HHAT: variants seen among roughly 807,000 people sequenced by gnomAD.
HHAT encodes the protein hedgehog acyltransferase.
HHAT carries 47 observed loss-of-function variants against 70.8 expected under a neutral mutation model. The ratio of observed to expected loss-of-function variants is 0.66; its 90% CI spans 0.53 to 0.85. The LOEUF (loss-of-function observed/expected upper bound fraction) is 0.85, where lower values mean the gene tolerates loss of function less well. Ranked by LOEUF, HHAT falls within the 40% of genes least tolerant of loss-of-function variation. The pLI, the probability that HHAT is intolerant of heterozygous loss-of-function variation, is 0.00. For synonymous variants in HHAT, 228 were observed against 247.6 expected (o/e 0.92, Z 0.74); for missense variants, 609 against 604.8 (o/e 1.01, Z -0.07).
intron 8 of HHAT, among the ~76,000 whole-genome samples, chr1:210,473,849 G>T (rs551362435): frequency 6.6e-6 from 1 of 152,160 alleles, no homozygotes; most frequent in Non-Finnish European, 1.5e-5. Context: ...TTCTGGGTCT[G>T]CTAGCTCTAC....
At chr1:210,622,634 G>A (rs974795193) in intron 10 of HHAT, among the ~76,000 whole-genome samples, 2 of 152,180 alleles carry the variant, frequency 1.3e-5, no homozygotes, top group African/African-American at 2.4e-5. Context: ...CAGGCACGCC[G>A]ATACACTTCA....
At chr1:210,466,381 A>G (rs1231720344) in intron 8 of HHAT, among the ~76,000 whole-genome samples, 1 of 152,238 alleles carries the variant, frequency 6.6e-6, no homozygotes, top group Admixed American at 6.5e-5. Context: ...CTCTCTAACT[A>G]GAAGGCCAGG....
At chr1:210,650,977 A>T (rs1236312840) in intron 11 of HHAT, among the ~76,000 whole-genome samples, 1 of 152,172 alleles carries the variant, frequency 6.6e-6, no homozygotes, top group African/African-American at 2.4e-5. Context: ...CACTTTTTAA[A>T]TATATTGGAA....
At chr1:210,645,422 C>T (rs112586437) in intron 11 of HHAT, among the ~76,000 whole-genome samples, 36,621 of 152,070 alleles carry the variant, frequency 0.24, 5,131 homozygotes, top group South Asian at 0.36. Context: ...GGACTACAGG[C>T]GCCTACCACC....
intron 5 of HHAT, among the ~76,000 whole-genome samples, chr1:210,401,087 TTTC>T (rs2092047674): frequency 6.6e-6 from 1 of 152,334 alleles, no homozygotes; most frequent in African/African-American, 2.4e-5. Context: ...GTCAGGTCTT[TTTC>T]TTCTTCCTAG....
At chr1:210,432,020 A>G (rs1434576075) in intron 7 of HHAT, among the ~76,000 whole-genome samples, 4 of 151,868 alleles carry the variant, frequency 2.6e-5, no homozygotes, top group Non-Finnish European at 5.9e-5. Flanking sequence ...CCTATTCTAT[A>G]TCTGTTTTCC....
At chr1:210,440,429 C>A (rs1338175840) in intron 7 of HHAT, among the ~76,000 whole-genome samples, 2 of 151,614 alleles carry the variant, frequency 1.3e-5, no homozygotes, top group Admixed American at 1.3e-4. Context: ...TTTCTACCCC[C>A]ATGGCAATCA....
rs1574169332 is a variant in HHAT at position 210,676,147 on chromosome 1, A to G, written c.*1768A>G. ...GAGCTCTTCCAAGTATACCATTTAT[A>G]TACAAACAAATAGGTTTATTCATTC... On this transcript the variant is annotated 3_prime_UTR_variant, in exon 12 of 12. Transcript: ENST00000261458. The G allele has an allele frequency of 6.6e-6, 1 of 152,244 alleles. No homozygotes were observed. Among genetic ancestry groups the G allele is most frequent in the African/African-American group, 2.4e-5 (1 of 41,460 alleles). 9.4% of individuals were successfully genotyped at this position (152,244 alleles called of 1,614,324 possible). A position where few individuals can be genotyped will look rare whatever the true frequency, so the allele number is the denominator to read the frequency against.
intron 9 of HHAT, among the ~76,000 whole-genome samples, chr1:210,555,507 A>G (rs1457885189): frequency 1.3e-5 from 2 of 152,188 alleles, no homozygotes; most frequent in African/African-American, 2.4e-5. Context: ...CATCAGTGGG[A>G]GTCTGTGGAG....
intron 7 of HHAT, among the ~76,000 whole-genome samples, chr1:210,461,224 C>T (rs1010806601): frequency 3.3e-5 from 5 of 152,192 alleles, no homozygotes; most frequent in African/African-American, 1.2e-4. Context: ...AGGGTCAACC[C>T]TGAAACTTAG....
chr1:210,649,893 G>C (rs1206036626), intron 11 of HHAT, among the ~76,000 whole-genome samples: 3 of 152,222 alleles, frequency 2.0e-5, no homozygotes, highest in African/African-American at 4.8e-5. Context: ...CAGGGTTTGT[G>C]TCTCCATACC....
intron 7 of HHAT, among the ~76,000 whole-genome samples, chr1:210,437,581 C>T (rs967064354): frequency 6.6e-6 from 1 of 151,838 alleles, no homozygotes; most frequent in Non-Finnish European, 1.5e-5. Flanking sequence ...GCAAAGCTTT[C>T]ATTGCTGCCA....
chr1:210,618,461 C>T (rs1668191609), intron 10 of HHAT, among the ~76,000 whole-genome samples: 1 of 152,194 alleles, frequency 6.6e-6, no homozygotes. Flanking sequence ...CTGTGTCCAG[C>T]TGCTCAAACC....
At chr1:210,638,290 A>G (rs891528704) in intron 11 of HHAT, among the ~76,000 whole-genome samples, 10 of 152,242 alleles carry the variant, frequency 6.6e-5, no homozygotes, top group African/African-American at 2.4e-4. Flanking sequence ...GAAACAATCC[A>G]AACATCTGTC....
intron 8 of HHAT, among the ~76,000 whole-genome samples, chr1:210,501,656 T>C (rs2094756734): frequency 6.7e-6 from 1 of 148,984 alleles, no homozygotes; most frequent in South Asian, 2.3e-4. Context: ...TGGGGAAAAA[T>C]GGCTTTTCTT....
chr1:210,503,411 A>C (rs1018075496), intron 8 of HHAT, among the ~76,000 whole-genome samples: 1 of 152,324 alleles, frequency 6.6e-6, no homozygotes. Context: ...GCAAACAAGC[A>C]AAACCAACAA....
chr1:210,632,484 G>A (rs1163214035), intron 11 of HHAT, among the ~76,000 whole-genome samples: 1 of 152,202 alleles, frequency 6.6e-6, no homozygotes, highest in Non-Finnish European at 1.5e-5. Context: ...AGCTAGCCTG[G>A]CTGGTGCCAT....
chr1:210,386,498 A>G (rs902815751), intron 3 of HHAT, among the ~76,000 whole-genome samples: 1 of 151,732 alleles, frequency 6.6e-6, no homozygotes, highest in Admixed American at 6.6e-5. Context: ...TCGGCCTCCC[A>G]AAGTGCTGGG....
intron 8 of HHAT, 143 bp downstream of exon 8, chr1:210,464,798 A>G (rs1189855365): frequency 7.9e-6 from 6 of 754,992 alleles, no homozygotes; most frequent in Non-Finnish European, 1.1e-5. Context: ...CATCCTACTA[A>G]CAGGATGACT....
Sources: allele counts gnomAD v4.1 joint callset (sites outside exome capture counted in the v4.1 genomes callset), GRCh38; gene constraint gnomAD v4.1.1; transcripts MANE v1.5; gene names NCBI Gene and HGNC (gene_info 2026-07-23, HGNC 2026-07-21).